SLC39A3: variants seen among roughly 807,000 people sequenced by gnomAD.
SLC39A3 encodes zinc transporter ZIP3.
A neutral mutation model predicts 5.1 loss-of-function variants in SLC39A3; 3 were observed. The ratio of observed to expected loss-of-function variants is 0.59; its 90% CI spans 0.27 to 1.54. The LOEUF (loss-of-function observed/expected upper bound fraction) is 1.54, where lower values mean the gene tolerates loss of function less well. SLC39A3 is among the 40% of genes most tolerant of loss of function. The pLI, the probability that SLC39A3 is intolerant of heterozygous loss-of-function variation, is 0.12. For missense variants in SLC39A3, 412 were observed against 436.4 expected, an observed-to-expected ratio of 0.94 and a Z score of 0.50; for synonymous variants, 250 against 218.8, an observed-to-expected ratio of 1.14 and a Z score of -1.26.
Position 2,735,102 on chromosome 19 carries a change from G to A in SLC39A3, c.211-1617C>T, listed in dbSNP as rs1047746548. ...AGGGGGAGGGAAGAGCAAGCTCCCC[G>A]CAGTCGCCCAGGCCTGCAGTCAGAG... On this transcript the variant is annotated intron_variant, in intron 2 of 2. Transcript: ENST00000269740. This position sits in a 1 kb window ranked among gnomAD's most constrained non-coding sequence, Gnocchi z 5.7. 1.6e-5 allele frequency: 16 copies of A among 985,260 alleles called. No homozygotes were observed. Among genetic ancestry groups the A allele is most frequent in the African/African-American group, 1.4e-4 (8 of 57,214 alleles). The allele number at this position is 985,260 out of a possible 1,614,324, so 61.0% of individuals were successfully genotyped here. A position where few individuals can be genotyped will look rare whatever the true frequency, so the allele number is the denominator to read the frequency against.
At position 2,732,921 on chromosome 19, in the gene SLC39A3, T is replaced by C. The variant is rs1914240197; in HGVS notation, c.775A>G (p.Ser259Gly). Reference protein sequence around the residue: ...GIESAQGVPGSVASVLLQGLA... With the variant: ...GIESAQGVPGGVASVLLQGLA... ...CCCTGCAGCAGCACGGACGCCACGC[T>C]GCCCGGCACGCCCTGGGCGCTCTCA... The change falls in exon 3 of 3, where the codon AGC becomes GGC. Residue 259 changes from serine (S) to glycine (G), a missense_variant. By Grantham distance (56) the Ser-to-Gly change is moderately conservative. Coordinates refer to ENST00000269740, the MANE Select transcript of SLC39A3 (RefSeq NM_144564.5). 4 of 1,610,246 alleles carry C rather than the reference T, an allele frequency of 2.5e-6. No homozygotes were observed. The highest frequency in any genetic ancestry group is 1.7e-5 in the Admixed American group (1 of 59,820).
Position 2,734,140 on chromosome 19 carries a change from G to A in SLC39A3, c.211-655C>T, listed in dbSNP as rs531634648. ...TCTGCAAGAGGTACACACTCCTATG[G>A]GAGGGACAGCTGCTCACGGGGCGGA... On this transcript the variant is annotated intron_variant, in intron 2 of 2. Coordinates refer to ENST00000269740, the MANE Select transcript of SLC39A3 (RefSeq NM_144564.5). The surrounding 1 kb of genome is among the most constrained non-coding windows in gnomAD (Gnocchi z 4.6). Among the ~76,000 whole-genome samples the A allele has an allele frequency of 6.6e-6, 1 of 152,348 alleles. No individual in the cohort carries two copies. Among genetic ancestry groups the A allele is most frequent in the Admixed American group, 6.5e-5 (1 of 15,308 alleles).
In SLC39A3 at chr19:2,733,261, C is replaced by T. The variant is rs749584786; in HGVS notation, c.435G>A (p.Ala145=). ...SPFMGGARGH[A]LYVEPHGHGP... is the part of the protein sequence containing the mutation. ...CGTGGCCGTGGGGCTCCACGTACAG[C>T]GCGTGGCCCCGCGCGCCCCCCATGA... The change falls in exon 3 of 3, where the codon GCG becomes GCA. Residue 145 remains alanine (A), a synonymous_variant. Transcript: ENST00000269740. This position sits in a 1 kb window ranked among gnomAD's most constrained non-coding sequence, Gnocchi z 6.1. 32 of 1,611,762 alleles carry T rather than the reference C, an allele frequency of 2.0e-5. No homozygotes were observed. The highest frequency in any genetic ancestry group is 1.3e-4 in the South Asian group (12 of 91,006).
In SLC39A3 at chr19:2,734,190, A is replaced by C. The variant is rs1914284389; in HGVS notation, c.211-705T>G. 1.3e-5 allele frequency among the ~76,000 whole-genome samples: 2 copies of C among 152,234 alleles called. No individual in the cohort carries two copies. Among genetic ancestry groups the C allele is most frequent in the Admixed American group, 1.3e-4 (2 of 15,288 alleles). ...ACACGCAGGCATTAGGCTATGCGCC[A>C]GGATGAAATGTCTCATGAAAGGCAG... On this transcript the variant is annotated intron_variant, in intron 2 of 2. Coordinates refer to ENST00000269740, the MANE Select transcript of SLC39A3 (RefSeq NM_144564.5). This position sits in a 1 kb window ranked among gnomAD's most constrained non-coding sequence, Gnocchi z 4.6.
intron 2 of SLC39A3, 35 bp downstream of exon 2, chr19:2,737,013 C>T (rs980579125): frequency 6.2e-7 from 1 of 1,612,740 alleles, no homozygotes; most frequent in African/African-American, 1.3e-5. Context: ...CCATAAGGTG[C>T]CAAGGGCTGC....
intron 1 of SLC39A3, among the ~76,000 whole-genome samples, chr19:2,738,199 CA>C (rs781639261): frequency 0.15 from 7,538 of 50,898 alleles, 436 homozygotes; most frequent in African/African-American, 0.34. Flanking sequence ...AACTCCATCT[CA>C]AAAAAAAAAA....
chr19:2,732,982 G>A lies in SLC39A3; in HGVS notation c.714C>T (p.Ala238=), dbSNP rs1568299100. ...CCAGGCCGATGCCCAGGGGGATCATGGCGCTTACGGTGACCGCCAGCTTGG... is the reference window on the plus strand; with the variant it reads ...CCAGGCCGATGCCCAGGGGGATCATAGCGCTTACGGTGACCGCCAGCTTGG... The part of the protein sequence containing the change: ...DAAKLAVTVS[A]MIPLGIGLGL... Residue 238 remains alanine, a synonymous_variant, in exon 3 of 3, where the codon GCC becomes GCT. Coordinates refer to ENST00000269740, the MANE Select transcript of SLC39A3 (RefSeq NM_144564.5). 2 of 1,599,914 alleles carry A rather than the reference G, an allele frequency of 1.3e-6. No homozygotes were observed. The highest frequency in any genetic ancestry group is 1.7e-5 in the Admixed American group (1 of 58,980).
At position 2,734,211 on chromosome 19, in the gene SLC39A3, G is replaced by T. The variant is rs1357025607; in HGVS notation, c.211-726C>A. Among the ~76,000 whole-genome samples, 1 of 152,244 alleles carries T rather than the reference G, an allele frequency of 6.6e-6. No homozygotes were observed. The highest frequency in any genetic ancestry group is 2.4e-5 in the African/African-American group (1 of 41,454). Reference sequence around the variant, plus strand: ...CGCCAGGATGAAATGTCTCATGAAAGGCAGGCTGTAAACGCCCACAACAGC... The same window carrying T: ...CGCCAGGATGAAATGTCTCATGAAATGCAGGCTGTAAACGCCCACAACAGC... On this transcript the variant is annotated intron_variant, in intron 2 of 2. Coordinates refer to ENST00000269740, the MANE Select transcript of SLC39A3 (RefSeq NM_144564.5). This position sits in a 1 kb window ranked among gnomAD's most constrained non-coding sequence, Gnocchi z 4.6.
rs1914341511 is a variant in SLC39A3, at chr19:2,735,684, T to A, written c.210+1364A>T. 1 of 287,628 alleles carries A rather than the reference T, an allele frequency of 3.5e-6. No homozygotes were observed. The highest frequency in any genetic ancestry group is 5.2e-6 in the Non-Finnish European group (1 of 192,530). The allele number at this position is 287,628 out of a possible 1,614,324, so 17.8% of individuals were successfully genotyped here. On this transcript the variant is annotated intron_variant, in intron 2 of 2. Transcript: ENST00000269740. This position sits in a 1 kb window ranked among gnomAD's most constrained non-coding sequence, Gnocchi z 5.7. ...TGGGGCGGTCATCACAGCTGCAACATCCCCTCTGCTGGGATTCTGACATAA... is the reference window on the plus strand; with the variant it reads ...TGGGGCGGTCATCACAGCTGCAACAACCCCTCTGCTGGGATTCTGACATAA...
In SLC39A3 at chr19:2,733,167, G is replaced by T. The variant is rs1914249614; in HGVS notation, c.529C>A (p.Leu177Met). ...PVRLLSLAFA[L>M]SAHSVFEGLA... Reference sequence around the variant, plus strand: ...CCCTCAAAGACCGAGTGGGCCGACAGCGCGAAGGCCAGGCTGAGCAGGCGC... The same window carrying T: ...CCCTCAAAGACCGAGTGGGCCGACATCGCGAAGGCCAGGCTGAGCAGGCGC... Residue 177 changes from leucine (L) to methionine (M), a missense_variant, in exon 3 of 3, where the codon CTG becomes ATG. Leu to Met is a conservative substitution (Grantham distance 15). Transcript: ENST00000269740. The surrounding 1 kb of genome is among the most constrained non-coding windows in gnomAD (Gnocchi z 6.1). 4 of 1,610,158 alleles carry T rather than the reference G, an allele frequency of 2.5e-6. No individual in the cohort carries two copies. In the African/African-American group the frequency reaches 5.3e-5, roughly 22 times the overall value.
Position 2,734,946 on chromosome 19 carries a change from G to C in SLC39A3, c.211-1461C>G. On this transcript the variant is annotated intron_variant, in intron 2 of 2. Coordinates refer to ENST00000269740, the MANE Select transcript of SLC39A3 (RefSeq NM_144564.5). This position sits in a 1 kb window ranked among gnomAD's most constrained non-coding sequence, Gnocchi z 4.6. ...TGTGAACCAGGCACCATTTTCCAGG[G>C]GTGACTGAGAGCCTGGCCCTGCAGT... 1.0e-6 allele frequency: 1 copy of C among 985,504 alleles called. No individual in the cohort carries two copies. The allele number at this position is 985,504 out of a possible 1,614,324, so 61.0% of individuals were successfully genotyped here. A position where few individuals can be genotyped will look rare whatever the true frequency, so the allele number is the denominator to read the frequency against.
At chr19:2,739,236 G>A (rs1397435800) in intron 1 of SLC39A3, among the ~76,000 whole-genome samples, 1 of 152,022 alleles carries the variant, frequency 6.6e-6, no homozygotes, top group East Asian at 1.9e-4. Flanking sequence ...ACACATGGAC[G>A]AGGGGAAGCG....
Position 2,735,308 on chromosome 19 carries a change from C to T in SLC39A3, c.210+1740G>A, listed in dbSNP as rs1354483198. The T allele has an allele frequency of 4.2e-6, 3 of 722,676 alleles. No homozygotes were observed. Among genetic ancestry groups the T allele is most frequent in the African/African-American group, 1.9e-5 (1 of 52,138 alleles). 44.8% of individuals were successfully genotyped at this position (722,676 alleles called of 1,614,324 possible). Reference sequence around the variant, plus strand: ...GCGGAACAGCAGGAATGCGGTGTCTCGGCTCTGAACGGTGGAAATCCAGGT... The same window carrying T: ...GCGGAACAGCAGGAATGCGGTGTCTTGGCTCTGAACGGTGGAAATCCAGGT... On this transcript the variant is annotated intron_variant, in intron 2 of 2. Coordinates refer to ENST00000269740, the MANE Select transcript of SLC39A3 (RefSeq NM_144564.5). The surrounding 1 kb of genome is among the most constrained non-coding windows in gnomAD (Gnocchi z 5.7).
rs190190602 is a variant in SLC39A3, at chr19:2,737,436, A to T, written c.-122-57T>A. The T allele has an allele frequency of 4.9e-3, 5,361 of 1,088,574 alleles. 140 individuals are homozygous for T. The African/African-American group carries it at 0.078, about 16-fold the overall frequency. The allele number at this position is 1,088,574 out of a possible 1,614,324, so 67.4% of individuals were successfully genotyped here. ...CTTTCTTTTTTCTTTTTTTTTTTTT[A>T]GACAGAGTCTCGCTCTGTTGCCAGG... On this transcript the variant is annotated intron_variant, in intron 1 of 2. Coordinates refer to ENST00000269740, the MANE Select transcript of SLC39A3 (RefSeq NM_144564.5).
rs936034380 is a variant in SLC39A3 at position 2,732,632 on chromosome 19, C to G, written c.*119G>C. On this transcript the variant is annotated 3_prime_UTR_variant, in exon 3 of 3. Coordinates refer to ENST00000269740, the MANE Select transcript of SLC39A3 (RefSeq NM_144564.5). ...CTGGTCCCGGGAGGCCCCTTGTGCA[C>G]AGGTGGTGGCCCAGGGCCACAGTGC... 3 of 1,426,330 alleles carry G rather than the reference C, an allele frequency of 2.1e-6. No homozygotes were observed. Among genetic ancestry groups the G allele is most frequent in the Non-Finnish European group, 2.7e-6 (3 of 1,092,340 alleles). The allele number at this position is 1,426,330 out of a possible 1,614,324, so 88.4% of individuals were successfully genotyped here.
Position 2,737,411 on chromosome 19 carries a change from C to CTTTATTT in SLC39A3, c.-122-33_-122-32insAAATAAA. 11 of 1,314,514 alleles carry CTTTATTT rather than the reference C, an allele frequency of 8.4e-6. No homozygotes were observed. The South Asian group carries it at 1.8e-4, about 21-fold the overall frequency. The allele number at this position is 1,314,514 out of a possible 1,614,324, so 81.4% of individuals were successfully genotyped here. ...ACATCAGGGGCACTGCATTAGCTTT[C>CTTTATTT]TTTCTTTTTTCTTTTTTTTTTTTTA... On this transcript the variant is annotated intron_variant, in intron 1 of 2. Transcript: ENST00000269740.
Position 2,733,053 on chromosome 19 carries a change from G to T in SLC39A3, c.643C>A (p.Leu215Met), listed in dbSNP as rs765792616. ...GCACTCCGGGCCATGCTGATGCCCA[G>T]GGCCACGGCCACCAGTGTCTCGTGG... ...AVHETLVAVA[L>M]GISMARSAMP... Residue 215 changes from leucine (L) to methionine (M), a missense_variant, in exon 3 of 3, where the codon CTG becomes ATG. Coordinates refer to ENST00000269740, the MANE Select transcript of SLC39A3 (RefSeq NM_144564.5). The surrounding 1 kb of genome is among the most constrained non-coding windows in gnomAD (Gnocchi z 6.1). The T allele has an allele frequency of 1.2e-6, 2 of 1,610,004 alleles. No homozygotes were observed. The highest frequency in any genetic ancestry group is 4.5e-5 in the East Asian group (2 of 44,738).
Position 2,733,429 on chromosome 19 carries a change from G to A in SLC39A3, c.267C>T (p.Thr89=). The A allele has an allele frequency of 6.2e-7, 1 of 1,612,968 alleles. No individual in the cohort carries two copies. Among genetic ancestry groups the A allele is most frequent in the Non-Finnish European group, 8.5e-7 (1 of 1,180,012 alleles). ...HISTDYPLAE[T]ILLLGFFMTV... is the part of the protein sequence containing the mutation. ...TCATGAAGAAGCCCAGCAGGAGGAT[G>A]GTTTCGGCCAGCGGGTAGTCGGTGC... The change falls in exon 3 of 3, where the codon ACC becomes ACT. Residue 89 remains threonine, a synonymous_variant. Transcript: ENST00000269740. This position sits in a 1 kb window ranked among gnomAD's most constrained non-coding sequence, Gnocchi z 6.1.
chr19:2,736,647 C>G, intron 2 of SLC39A3: 1 of 1,081,328 alleles, frequency 9.2e-7, no homozygotes, highest in East Asian at 4.5e-5. Context: ...CTCACAGAAA[C>G]TGTGAGATGA....
Sources: gnomAD v4.1 joint callset for allele counts (sites outside exome capture counted in the v4.1 genomes callset) on GRCh38, gnomAD v4.1.1 for gene constraint, Gnocchi (gnomAD v3.1) non-coding constraint, MANE v1.5 for transcripts, NCBI Gene and HGNC (gene_info 2026-07-23, HGNC 2026-07-21) for gene names.